INPP5F: variants seen among roughly 807,000 people sequenced by gnomAD.
The protein encoded by INPP5F is phosphatidylinositide 4-phosphatase SAC2.
A neutral mutation model predicts 137.2 loss-of-function variants in INPP5F; 97 were observed. The observed-to-expected ratio is 0.71, with a 90% confidence interval of 0.60 to 0.84. The LOEUF (loss-of-function observed/expected upper bound fraction) is 0.84, where lower values mean the gene tolerates loss of function less well. Among genes scored for constraint, INPP5F ranks in the 40% least tolerant of loss-of-function variants. INPP5F has a pLI of 0.00. For synonymous variants in INPP5F, 504 were observed against 476.9 expected, an observed-to-expected ratio of 1.06 and a Z score of -0.74; for missense variants, 1,271 against 1,371.9, an observed-to-expected ratio of 0.93 and a Z score of 1.16.
rs148968536 is a variant in INPP5F, at chr10:119,774,018, A to G, written c.179-7617A>G. On this transcript the variant is annotated intron_variant, in intron 2 of 19. Coordinates refer to ENST00000650623, the MANE Select transcript of INPP5F (RefSeq NM_014937.4). Reference sequence around the variant, plus strand: ...AGTGGCTCATGCCTATAATCCCAGCACTTTGGGAGGCCAAGGTGGGCAGAT... The same window carrying G: ...AGTGGCTCATGCCTATAATCCCAGCGCTTTGGGAGGCCAAGGTGGGCAGAT... Among the ~76,000 whole-genome samples, 386 of 152,310 alleles carry G rather than the reference A, an allele frequency of 2.5e-3. 1 individual carries two copies. The highest frequency in any genetic ancestry group is 7.7e-3 in the African/African-American group (321 of 41,558).
chr10:119,802,742 CATT>C (rs1440235634), intron 9 of INPP5F, among the ~76,000 whole-genome samples: 1 of 152,086 alleles, frequency 6.6e-6, no homozygotes, highest in Non-Finnish European at 1.5e-5. Flanking sequence ...CTGGATCAGA[CATT>C]ATGTATATTT....
intron 6 of INPP5F, among the ~76,000 whole-genome samples, chr10:119,796,385 T>C (rs1465714329): frequency 6.6e-6 from 1 of 152,224 alleles, no homozygotes; most frequent in South Asian, 2.1e-4. Context: ...ATTATCCATT[T>C]AATTTTCACA....
At chr10:119,733,347 C>T (rs1457118981) in intron 1 of INPP5F, among the ~76,000 whole-genome samples, 1 of 152,148 alleles carries the variant, frequency 6.6e-6, no homozygotes, top group East Asian at 1.9e-4. Flanking sequence ...TTTCCAGCTA[C>T]GGTCAGTTGA....
chr10:119,740,493 A>G (rs990789346), intron 1 of INPP5F, among the ~76,000 whole-genome samples: 1 of 152,224 alleles, frequency 6.6e-6, no homozygotes, highest in African/African-American at 2.4e-5. Context: ...TGGTCCTACC[A>G]TGAGGTTTAA....
At chr10:119,796,366 A>C (rs1359474428) in intron 6 of INPP5F, among the ~76,000 whole-genome samples, 1 of 152,214 alleles carries the variant, frequency 6.6e-6, no homozygotes. Context: ...TGTGCTAAAC[A>C]CTACGTGTAT....
intron 9 of INPP5F, among the ~76,000 whole-genome samples, chr10:119,801,100 A>G (rs1850575168): frequency 2.0e-5 from 3 of 152,212 alleles, no homozygotes; most frequent in African/African-American, 7.2e-5. Flanking sequence ...CAGCATAGAA[A>G]CAACCTAATT....
chr10:119,811,787 A>T lies in INPP5F; in HGVS notation c.1718A>T (p.Asp573Val), dbSNP rs571625049. The change falls in exon 15 of 20, where the codon GAT becomes GTT. Residue 573 changes from aspartate to valine, a missense_variant. Asp to Val is a radical substitution (Grantham distance 152). Coordinates refer to ENST00000650623, the MANE Select transcript of INPP5F (RefSeq NM_014937.4). ...ATGCAAGGCATTCCAGTGACAGAAG[A>T]TCTTTATTCCATATTTACCAAGGAG... ...DLMQGIPVTE[D>V]LYSIFTKEKE... 8.7e-6 allele frequency: 14 copies of T among 1,614,102 alleles called. No individual in the cohort carries two copies. In the Admixed American group the frequency reaches 1.5e-4, roughly 17 times the overall value.
intron 10 of INPP5F, 31 bp downstream of exon 10, chr10:119,804,328 C>T (rs760566442): frequency 2.6e-6 from 4 of 1,565,716 alleles, no homozygotes; most frequent in Non-Finnish European, 1.7e-6. Flanking sequence ...TAGTGTTGAT[C>T]AATTGCAGTG....
chr10:119,805,501 A>AG, intron 11 of INPP5F, 40 bp downstream of exon 11: 6 of 1,340,744 alleles, frequency 4.5e-6, no homozygotes, highest in Non-Finnish European at 6.4e-6. Context: ...AGACTCTGGG[A>AG]TCTGTAAAAT....
At chr10:119,798,666 C>CT in intron 9 of INPP5F, 56 bp downstream of exon 9, 1 of 1,227,832 alleles carries the variant, frequency 8.1e-7, no homozygotes, top group Non-Finnish European at 1.2e-6. Flanking sequence ...ATAACTTTTT[C>CT]TTTAAGTTTC....
At chr10:119,761,421 TTTAG>T (rs1849005467) in intron 2 of INPP5F, among the ~76,000 whole-genome samples, 2 of 152,192 alleles carry the variant, frequency 1.3e-5, no homozygotes, top group African/African-American at 4.8e-5. Context: ...GTGATGTACT[TTTAG>T]CTATTAGGTA....
At chr10:119,737,496 G>T (rs1451929826) in intron 1 of INPP5F, among the ~76,000 whole-genome samples, 1 of 152,058 alleles carries the variant, frequency 6.6e-6, no homozygotes, top group African/African-American at 2.4e-5. Context: ...TGATGCTCAG[G>T]GATTAGTATT....
chr10:119,726,396 C>A (rs1386667379), intron 1 of INPP5F, 37 bp downstream of exon 1: 2 of 1,208,354 alleles, frequency 1.7e-6, no homozygotes, highest in Non-Finnish European at 1.0e-6. Context: ...CACCCCGGGC[C>A]AGGGCGGGGA....
rs1589742359 is a variant in INPP5F at position 119,810,262 on chromosome 10, T to C, written c.1687+45T>C. 33 of 1,011,888 alleles carry C rather than the reference T, an allele frequency of 3.3e-5. 1 individual carries two copies. In the East Asian group the frequency reaches 7.6e-4, roughly 23 times the overall value. The allele number at this position is 1,011,888 out of a possible 1,614,324, so 62.7% of individuals were successfully genotyped here. ...TTCTTTCCTCAAAATTTATGTCTTC[T>C]GTGACTAATATTTTACAGAAACCAG... is the stretch of plus-strand genomic sequence containing the variant. On this transcript the variant is annotated intron_variant, in intron 14 of 19. Transcript: ENST00000650623.
Position 119,820,880 on chromosome 10 carries a change from C to A in INPP5F, c.1921C>A (p.Leu641Met). The A allele has an allele frequency of 6.2e-7, 1 of 1,611,576 alleles. No homozygotes were observed. Among genetic ancestry groups the A allele is most frequent in the Non-Finnish European group, 8.5e-7 (1 of 1,177,654 alleles). Residue 641 changes from leucine (L) to methionine (M), a missense_variant, in exon 16 of 20, where the codon CTG (leucine) becomes ATG (methionine). By Grantham distance (15) the Leu-to-Met change is conservative. Coordinates refer to ENST00000650623, the MANE Select transcript of INPP5F (RefSeq NM_014937.4). ...IDATHRDVDV[L>M]LLLSNSAYYV... ...TGCTACTCACAGAGACGTGGATGTGCTGTTACTGCTTTCTAACTCTGCCTA... is the reference window on the plus strand; with the variant it reads ...TGCTACTCACAGAGACGTGGATGTGATGTTACTGCTTTCTAACTCTGCCTA...
At chr10:119,807,316 CT>C (rs1274873030) in intron 12 of INPP5F, among the ~76,000 whole-genome samples, 1 of 152,038 alleles carries the variant, frequency 6.6e-6, no homozygotes, top group African/African-American at 2.4e-5. Flanking sequence ...ATAAAATAAC[CT>C]TGTGACTGTA....
intron 10 of INPP5F, among the ~76,000 whole-genome samples, chr10:119,804,851 C>T (rs1005463764): frequency 6.6e-6 from 1 of 151,854 alleles, no homozygotes; most frequent in Non-Finnish European, 1.5e-5. Context: ...CTCAGCCTCC[C>T]GAGTAGCTGG....
At chr10:119,781,961 G>C (rs1849724608) in intron 3 of INPP5F, among the ~76,000 whole-genome samples, 190 bp downstream of exon 3, 1 of 152,152 alleles carries the variant, frequency 6.6e-6, no homozygotes. Flanking sequence ...TAGTGTAGAA[G>C]ACACATAAAG....
In INPP5F at chr10:119,810,104, A is replaced by G; in HGVS notation, c.1574A>G (p.Asp525Gly). The G allele has an allele frequency of 6.3e-7, 1 of 1,599,064 alleles. No homozygotes were observed. The highest frequency in any genetic ancestry group is 8.6e-7 in the Non-Finnish European group (1 of 1,167,534). The change falls in exon 14 of 20, where the codon GAC (aspartate) becomes GGC (glycine). Residue 525 changes from aspartate (D) to glycine (G), a missense_variant. Transcript: ENST00000650623. Reference protein sequence around the residue: ...QYAGTAALKGDFTRTGERKLA... With the variant: ...QYAGTAALKGGFTRTGERKLA... The stretch of plus-strand genomic sequence containing the variant: ...AAATCAGTTTTTGTTTGACAGGGTG[A>G]CTTTACAAGGACAGGAGAAAGGAAG...
Sources: gnomAD v4.1 joint callset for allele counts (sites outside exome capture counted in the v4.1 genomes callset) on GRCh38, gnomAD v4.1.1 for gene constraint, MANE v1.5 for transcripts, NCBI Gene and HGNC (gene_info 2026-07-23, HGNC 2026-07-21) for gene names.